The following DOCK1 variants were observed in gnomAD, a reference collection of about 807,000 sequenced individuals.
DOCK1 encodes dedicator of cytokinesis protein 1.
A neutral mutation model predicts 262.7 loss-of-function variants in DOCK1; 138 were observed. The observed-to-expected ratio is 0.53, with a 90% confidence interval of 0.46 to 0.61. The LOEUF (loss-of-function observed/expected upper bound fraction) is 0.61, where lower values mean the gene tolerates loss of function less well. Among genes scored for constraint, DOCK1 ranks in the 20% least tolerant of loss-of-function variants. DOCK1 has a pLI of 0.00. For synonymous variants in DOCK1, 866 were observed against 867.4 expected (o/e 1.00, Z 0.03); for missense variants, 1,908 against 2,370.7 (o/e 0.80, Z 4.05).
chr10:127,007,891 G>A (rs983548506), intron 10 of DOCK1, among the ~76,000 whole-genome samples: 4 of 152,156 alleles, frequency 2.6e-5, no homozygotes, highest in African/African-American at 9.7e-5. Flanking sequence ...TCTTGAAAGA[G>A]CGTCCACAGA....
At chr10:127,155,790 G>T (rs2052984396) in intron 27 of DOCK1, among the ~76,000 whole-genome samples, 1 of 152,228 alleles carries the variant, frequency 6.6e-6, no homozygotes, top group South Asian at 2.1e-4. Context: ...AATTCTACTG[G>T]AGCTCGGCTC....
chr10:127,315,557 G>A (rs1395951237), intron 29 of DOCK1, among the ~76,000 whole-genome samples: 1 of 152,176 alleles, frequency 6.6e-6, no homozygotes, highest in Non-Finnish European at 1.5e-5. Flanking sequence ...CCAGAACTGT[G>A]TGAAAAGAAG....
chr10:127,068,946 G>A (rs748231107), intron 23 of DOCK1, among the ~76,000 whole-genome samples: 4 of 152,184 alleles, frequency 2.6e-5, no homozygotes, highest in Non-Finnish European at 5.9e-5. Context: ...TCCATTTGAG[G>A]GCACATAGCT....
intron 27 of DOCK1, among the ~76,000 whole-genome samples, chr10:127,215,682 C>T (rs1356704479): frequency 6.6e-6 from 1 of 151,732 alleles, no homozygotes; most frequent in Admixed American, 6.6e-5. Flanking sequence ...AATATGCCGC[C>T]CAAGGTTGAT....
intron 16 of DOCK1, among the ~76,000 whole-genome samples, chr10:127,030,301 A>G (rs1335745204): frequency 6.6e-6 from 1 of 152,142 alleles, no homozygotes; most frequent in East Asian, 1.9e-4. Context: ...AACTTGAGGA[A>G]TTTCTGGCAG....
At chr10:127,408,502 C>T (rs1239592665) in intron 40 of DOCK1, among the ~76,000 whole-genome samples, 2 of 152,220 alleles carry the variant, frequency 1.3e-5, no homozygotes, top group African/African-American at 2.4e-5. Context: ...CTGCTCGCCT[C>T]GGCTGTGTCT....
intron 23 of DOCK1, among the ~76,000 whole-genome samples, chr10:127,090,973 C>T (rs553407208): frequency 4.7e-5 from 7 of 148,612 alleles, no homozygotes; most frequent in East Asian, 2.0e-4. Context: ...TCTGTTTGAA[C>T]GTCTATTTGG....
chr10:127,434,917 G>T (rs2069572519), intron 48 of DOCK1, among the ~76,000 whole-genome samples: 1 of 152,146 alleles, frequency 6.6e-6, no homozygotes, highest in Admixed American at 6.5e-5. Flanking sequence ...CTCCCAAAAT[G>T]CTGGGATTAC....
At position 127,179,094 on chromosome 10, in the gene DOCK1, T is replaced by A. The variant is rs141146131; in HGVS notation, c.2847+51330T>A. ...TACAAAAAGCAATTTACTAGTAATT[T>A]ATCAGCCTTTTCCCTGCTACTTCTG... On this transcript the variant is annotated intron_variant, in intron 27 of 51. Transcript: ENST00000623213. Among the ~76,000 whole-genome samples the A allele has an allele frequency of 3.1e-3, 476 of 152,340 alleles. 4 individuals carry two copies. Among genetic ancestry groups the A allele is most frequent in the African/African-American group, 0.011 (454 of 41,570 alleles).
intron 29 of DOCK1, among the ~76,000 whole-genome samples, chr10:127,298,124 C>T (rs959207900): frequency 2.6e-5 from 4 of 152,130 alleles, no homozygotes; most frequent in African/African-American, 9.7e-5. Context: ...ATTGGTTCCT[C>T]GTTATGAGCA....
At chr10:127,395,115 G>A (rs190122128) in intron 38 of DOCK1, among the ~76,000 whole-genome samples, 33 of 152,316 alleles carry the variant, frequency 2.2e-4, no homozygotes, top group African/African-American at 7.7e-4. Flanking sequence ...CTTTTCCGGG[G>A]AAGTAGAGCC....
At chr10:127,277,987 A>G (rs2060804975) in intron 29 of DOCK1, among the ~76,000 whole-genome samples, 1 of 152,170 alleles carries the variant, frequency 6.6e-6, no homozygotes, top group Non-Finnish European at 1.5e-5. Context: ...TAACAGATTT[A>G]TTTGGTATAA....
chr10:126,917,822 G>A (rs2032681890), intron 1 of DOCK1, among the ~76,000 whole-genome samples: 1 of 152,120 alleles, frequency 6.6e-6, no homozygotes, highest in Admixed American at 6.5e-5. Flanking sequence ...CCCAGGGCCA[G>A]TTTAAGAGGT....
At chr10:127,139,863 A>G (rs191843782) in intron 27 of DOCK1, among the ~76,000 whole-genome samples, 26 of 152,342 alleles carry the variant, frequency 1.7e-4, no homozygotes, top group Admixed American at 4.6e-4. Flanking sequence ...TGCAATTTAA[A>G]TATTATTGTA....
In DOCK1 at chr10:126,952,316, GTTA is replaced by G. The variant is rs1266991979; in HGVS notation, c.47-18383_47-18381del. Among the ~76,000 whole-genome samples, 11 of 147,280 alleles carry G rather than the reference GTTA, an allele frequency of 7.5e-5. 1 individual carries two copies. In the East Asian group the frequency reaches 9.9e-4, roughly 13 times the overall value. Reference sequence around the variant, plus strand: ...TGATGGTGGTGGTGGCAGTAGTATTGTTATTGTTGGTTGTATTGTTGGTGATGG... The same window carrying G: ...TGATGGTGGTGGTGGCAGTAGTATTGTTGTTGGTTGTATTGTTGGTGATGG... On this transcript the variant is annotated intron_variant, in intron 1 of 51. Coordinates refer to ENST00000623213, the MANE Select transcript of DOCK1 (RefSeq NM_001290223.2).
intron 11 of DOCK1, among the ~76,000 whole-genome samples, chr10:127,009,181 T>TA (rs927035241): frequency 6.6e-6 from 1 of 152,134 alleles, no homozygotes; most frequent in Non-Finnish European, 1.5e-5. Flanking sequence ...GTTTTTAAAA[T>TA]AAAAAAACAA....
intron 29 of DOCK1, among the ~76,000 whole-genome samples, chr10:127,316,759 A>G (rs1245007850): frequency 6.6e-6 from 1 of 152,110 alleles, no homozygotes; most frequent in Non-Finnish European, 1.5e-5. Flanking sequence ...CGGACCACAG[A>G]GTGGGGCCTG....
chr10:127,202,514 T>C (rs2134244240), intron 27 of DOCK1, among the ~76,000 whole-genome samples: 1 of 151,930 alleles, frequency 6.6e-6, no homozygotes, highest in Non-Finnish European at 1.5e-5. Context: ...AGCTGGGGGG[T>C]GTAGGAACTT....
chr10:127,189,256 TAC>T (rs1478574951), intron 27 of DOCK1, among the ~76,000 whole-genome samples: 2 of 152,238 alleles, frequency 1.3e-5, no homozygotes. Context: ...ACTCTTCAGA[TAC>T]AGTTAGAACT....
Sources: allele counts gnomAD v4.1 joint callset (sites outside exome capture counted in the v4.1 genomes callset), GRCh38; gene constraint gnomAD v4.1.1; transcripts MANE v1.5; gene names NCBI Gene and HGNC (gene_info 2026-07-23, HGNC 2026-07-21).